LRRC1: variants seen among roughly 807,000 people sequenced by gnomAD.
LRRC1 encodes the protein leucine rich repeat containing 1.
In LRRC1, 28 loss-of-function variants were observed where a neutral mutation model predicts 69.9. That is an observed-to-expected ratio of 0.40 (90% CI 0.30 to 0.55). LRRC1 has a LOEUF of 0.55. Ranked by LOEUF, LRRC1 falls within the 20% of genes least tolerant of loss-of-function variation. The probability of loss-of-function intolerance (pLI) is 0.47; values close to 1 mark genes in which losing one functional copy is unlikely to be tolerated. For missense variants in LRRC1, 498 were observed against 609.0 expected, an observed-to-expected ratio of 0.82 and a Z score of 1.92; for synonymous variants, 236 against 240.2, an observed-to-expected ratio of 0.98 and a Z score of 0.16.
chr6:53,898,630 A>G (rs1200659456), intron 7 of LRRC1, among the ~76,000 whole-genome samples: 4 of 152,260 alleles, frequency 2.6e-5, no homozygotes, highest in Non-Finnish European at 5.9e-5. Flanking sequence ...TTAAATAATT[A>G]GAATGATTTT....
intron 1 of LRRC1, among the ~76,000 whole-genome samples, chr6:53,832,713 G>T (rs1392361685): frequency 6.6e-6 from 1 of 152,068 alleles, no homozygotes; most frequent in Admixed American, 6.6e-5. Flanking sequence ...TAGATGAGTA[G>T]AATCTTTGAT....
chr6:53,856,500 G>A (rs1766314428), intron 2 of LRRC1, among the ~76,000 whole-genome samples: 1 of 152,180 alleles, frequency 6.6e-6, no homozygotes, highest in African/African-American at 2.4e-5. Flanking sequence ...CTTAGGCTCT[G>A]AGCAGCAAGA....
intron 1 of LRRC1, among the ~76,000 whole-genome samples, chr6:53,800,247 CTTTTTTT>C (rs55960000): frequency 8.9e-5 from 8 of 89,554 alleles, no homozygotes; most frequent in Admixed American, 2.9e-4. Flanking sequence ...GTTTCTTTTT[CTTTTTTT>C]TTTTTTTTTT....
chr6:53,799,149 C>A (rs545801942), intron 1 of LRRC1, among the ~76,000 whole-genome samples: 1 of 152,224 alleles, frequency 6.6e-6, no homozygotes, highest in Non-Finnish European at 1.5e-5. Flanking sequence ...ACCTTGCCAC[C>A]TCCTCTTAAG....
At position 53,922,817 on chromosome 6, in the gene LRRC1, C is replaced by T; in HGVS notation, c.*24C>T. On this transcript the variant is annotated 3_prime_UTR_variant, in exon 14 of 14. Transcript: ENST00000370888. ...AGAGTTTCACCTCCAAGTTTTACCT[C>T]CTGTGTCTTCCTCTGCTGTCGAGAC... 6.2e-7 allele frequency: 1 copy of T among 1,605,982 alleles called. No individual in the cohort carries two copies. Among genetic ancestry groups the T allele is most frequent in the South Asian group, 1.1e-5 (1 of 90,052 alleles).
chr6:53,816,006 T>C (rs967021321), intron 1 of LRRC1, among the ~76,000 whole-genome samples: 1 of 152,206 alleles, frequency 6.6e-6, no homozygotes, highest in Non-Finnish European at 1.5e-5. Context: ...TTTGTAACTT[T>C]TGAAGTGGAA....
At chr6:53,886,989 C>G (rs1039189879) in intron 4 of LRRC1, among the ~76,000 whole-genome samples, 1 of 152,170 alleles carries the variant, frequency 6.6e-6, no homozygotes, top group African/African-American at 2.4e-5. Flanking sequence ...TTCTCACATA[C>G]CAAACAAATA....
intron 1 of LRRC1, among the ~76,000 whole-genome samples, chr6:53,826,737 C>T (rs563909594): frequency 5.0e-4 from 76 of 152,142 alleles, no homozygotes; most frequent in African/African-American, 1.6e-3. Context: ...ATCTCCCCTT[C>T]GATTATGAAA....
intron 7 of LRRC1, among the ~76,000 whole-genome samples, chr6:53,899,296 C>T (rs573349170): frequency 8.5e-5 from 13 of 152,280 alleles, no homozygotes; most frequent in African/African-American, 2.2e-4. Context: ...TTTGTGCTAA[C>T]GAGTGCTACC....
chr6:53,810,530 G>T (rs1042877128), intron 1 of LRRC1, among the ~76,000 whole-genome samples: 5 of 151,990 alleles, frequency 3.3e-5, no homozygotes, highest in Admixed American at 1.3e-4. Flanking sequence ...TGAGGCAGGA[G>T]AATGGCTTAA....
chr6:53,843,526 A>G (rs914423061), intron 2 of LRRC1, among the ~76,000 whole-genome samples: 2 of 152,224 alleles, frequency 1.3e-5, no homozygotes, highest in South Asian at 2.1e-4. Flanking sequence ...TCTATTTTGC[A>G]TGAAAATTAT....
At chr6:53,881,068 TTTTG>T (rs375764169) in intron 3 of LRRC1, among the ~76,000 whole-genome samples, 143 of 152,312 alleles carry the variant, frequency 9.4e-4, no homozygotes, top group Middle Eastern at 3.4e-3. Context: ...GGCTTTACTG[TTTTG>T]TTTGTTTGTT....
At chr6:53,826,504 A>G (rs948892550) in intron 1 of LRRC1, among the ~76,000 whole-genome samples, 7 of 152,192 alleles carry the variant, frequency 4.6e-5, no homozygotes, top group African/African-American at 1.7e-4. Context: ...GCCCATGTGC[A>G]GTTAGCCTCT....
chr6:53,859,307 C>T (rs1182300746), intron 2 of LRRC1, among the ~76,000 whole-genome samples: 2 of 152,162 alleles, frequency 1.3e-5, no homozygotes, highest in African/African-American at 4.8e-5. Flanking sequence ...GGCTCTGGAA[C>T]CACCTATATA....
chr6:53,868,956 C>T (rs149604622), intron 2 of LRRC1, among the ~76,000 whole-genome samples: 3 of 152,288 alleles, frequency 2.0e-5, no homozygotes, highest in Admixed American at 6.5e-5. Flanking sequence ...CTTCTCAACT[C>T]CTGCAGCACT....
At chr6:53,911,603 C>G (rs1007938313) in intron 10 of LRRC1, among the ~76,000 whole-genome samples, 4 of 152,200 alleles carry the variant, frequency 2.6e-5, no homozygotes, top group Non-Finnish European at 5.9e-5. Context: ...AGGACGCTAG[C>G]GGGGGTCTTC....
intron 1 of LRRC1, among the ~76,000 whole-genome samples, chr6:53,814,091 C>T (rs1407779968): frequency 6.6e-6 from 1 of 152,168 alleles, no homozygotes; most frequent in Non-Finnish European, 1.5e-5. Flanking sequence ...ACTCCCTTTT[C>T]TCTTCATTGC....
chr6:53,909,093 G>C lies in LRRC1; in HGVS notation c.990+4631G>C, dbSNP rs549469006. ...TTTATGGATATACACTAAGAATGAT[G>C]TACAAGAACATTTCTCACATTATAC... On this transcript the variant is annotated intron_variant, in intron 10 of 13. Coordinates refer to ENST00000370888, the MANE Select transcript of LRRC1 (RefSeq NM_018214.5). Among the ~76,000 whole-genome samples, 8 of 152,330 alleles carry C rather than the reference G, an allele frequency of 5.3e-5. No individual in the cohort carries two copies. The South Asian group carries it at 1.4e-3, about 28-fold the overall frequency.
In LRRC1 at chr6:53,795,427, G is replaced by T. The variant is rs1399982132; in HGVS notation, c.159+12G>T. 6.2e-7 allele frequency: 1 copy of T among 1,606,290 alleles called. No individual in the cohort carries two copies. Among genetic ancestry groups the T allele is most frequent in the African/African-American group, 1.3e-5 (1 of 74,972 alleles). ...GCGAGCTGCCCGAGGTAAGGGTCCG[G>T]CCTCACCTGAGCGCTCTGCCCGCTC... On this transcript the variant is annotated intron_variant, in intron 1 of 13. Coordinates refer to ENST00000370888, the MANE Select transcript of LRRC1 (RefSeq NM_018214.5).
Sources: gnomAD v4.1 joint callset for allele counts (sites outside exome capture counted in the v4.1 genomes callset) on GRCh38, gnomAD v4.1.1 for gene constraint, MANE v1.5 for transcripts, NCBI Gene and HGNC (gene_info 2026-07-23, HGNC 2026-07-21) for gene names.